FAM200B: variants seen among roughly 807,000 people sequenced by gnomAD.
FAM200B encodes zinc finger BED-type containing 11.
FAM200B carries 32 observed loss-of-function variants against 33.1 expected under a neutral mutation model. The observed-to-expected ratio is 0.97, with a 90% CI of 0.73 to 1.30. FAM200B has a LOEUF of 1.30. Ranked by LOEUF, FAM200B falls within the 50% of genes most tolerant of loss-of-function variation. The pLI, the probability that FAM200B is intolerant of heterozygous loss-of-function variation, is 0.00. For synonymous variants in FAM200B, 240 were observed against 264.8 expected, an observed-to-expected ratio of 0.91 and a Z score of 0.91; for missense variants, 741 against 754.0, an observed-to-expected ratio of 0.98 and a Z score of 0.20.
the FAM200B span, among the ~76,000 whole-genome samples, chr4:15,673,854 G>A: frequency 2.6e-5 from 4 of 152,134 alleles, no homozygotes; most frequent in African/African-American, 9.7e-5. Context: ...CCCTCTCCCT[G>A]TACTATGGCT....
the FAM200B span, among the ~76,000 whole-genome samples, chr4:15,675,437 G>A: frequency 6.6e-6 from 1 of 152,090 alleles, no homozygotes; most frequent in East Asian, 1.9e-4. Context: ...CAGCCTTCAG[G>A]CTTAGATCCT....
chr4:15,660,544 T>C, the FAM200B span, among the ~76,000 whole-genome samples: 2 of 152,326 alleles, frequency 1.3e-5, no homozygotes, highest in Non-Finnish European at 2.9e-5. Context: ...ACACGAAACA[T>C]TGATTTGAAT....
chr4:15,676,698 G>A (rs1560254989), upstream of FAM200B, among the ~76,000 whole-genome samples: 1 of 151,958 alleles, frequency 6.6e-6, no homozygotes, highest in Non-Finnish European at 1.5e-5. Flanking sequence ...ATTACGGGGG[G>A]GAGGGGGAGG....
At chr4:15,667,988 C>T in the FAM200B span, among the ~76,000 whole-genome samples, 13,932 of 150,980 alleles carry the variant, frequency 0.092, 787 homozygotes, top group Non-Finnish European at 0.13. Flanking sequence ...TTGCGGTGAG[C>T]CAAGATTGCG....
Position 15,688,520 on chromosome 4 carries a change from C to T in FAM200B, c.1543C>T (p.Leu515=). 2 of 1,547,104 alleles carry T rather than the reference C, an allele frequency of 1.3e-6. No individual in the cohort carries two copies. The highest frequency in any genetic ancestry group is 1.7e-6 in the Non-Finnish European group (2 of 1,143,418). ...KLEILLHLTS[L]SQTFNHFFPE... ...AGAGATATTGTTGCATCTCACTTCTCTGTCTCAAACTTTTAACCATTTCTT... is the reference window on the plus strand; with the variant it reads ...AGAGATATTGTTGCATCTCACTTCTTTGTCTCAAACTTTTAACCATTTCTT... Residue 515 remains leucine, a synonymous_variant, in exon 2 of 2, where the codon CTG becomes TTG. Transcript: ENST00000422728.
chr4:15,640,357 T>C, the FAM200B span, among the ~76,000 whole-genome samples: 1 of 136,894 alleles, frequency 7.3e-6, no homozygotes, highest in East Asian at 2.2e-4. Context: ...GACTAATACA[T>C]TTAAAGCCAC....
chr4:15,640,871 G>T, the FAM200B span: 1 of 1,485,724 alleles, frequency 6.7e-7, no homozygotes, highest in Non-Finnish European at 9.0e-7. Flanking sequence ...TAATTTAACT[G>T]TTCATATTCA....
chr4:15,689,153 T>G lies in FAM200B; in HGVS notation c.*202T>G. The G allele has an allele frequency of 2.4e-6, 1 of 417,974 alleles. No individual in the cohort carries two copies. Among genetic ancestry groups the G allele is most frequent in the Non-Finnish European group, 4.2e-6 (1 of 236,038 alleles). 25.9% of individuals were successfully genotyped at this position (417,974 alleles called of 1,614,324 possible). On this transcript the variant is annotated 3_prime_UTR_variant, in exon 2 of 2. Coordinates refer to ENST00000422728, the MANE Select transcript of FAM200B (RefSeq NM_001145191.2). ...GGCCAGGAACTATTCTAGAGACATT[T>G]GGGATACAAAAGTGAACAAAACAGG...
the FAM200B span, among the ~76,000 whole-genome samples, chr4:15,673,440 C>CA: frequency 2.0e-5 from 3 of 151,112 alleles, no homozygotes; most frequent in African/African-American, 4.9e-5. Context: ...GACCTCATCT[C>CA]AAAAAAAATA....
the FAM200B span, chr4:15,640,692 T>C: frequency 1.2e-5 from 7 of 587,624 alleles, no homozygotes; most frequent in Non-Finnish European, 1.8e-5. Context: ...ATCAACCAGA[T>C]ACATCTTCCT....
At chr4:15,643,017 T>C in the FAM200B span, among the ~76,000 whole-genome samples, 1 of 152,196 alleles carries the variant, frequency 6.6e-6, no homozygotes, top group Non-Finnish European at 1.5e-5. Flanking sequence ...TTTCTACTAG[T>C]CATGACTTTA....
chr4:15,669,185 G>T, the FAM200B span, among the ~76,000 whole-genome samples: 1 of 152,084 alleles, frequency 6.6e-6, no homozygotes, highest in South Asian at 2.1e-4. Context: ...AAACATCTGA[G>T]CATACTTACA....
chr4:15,685,837 T>C (rs754624616), intron 1 of FAM200B, among the ~76,000 whole-genome samples: 2 of 152,210 alleles, frequency 1.3e-5, no homozygotes, highest in African/African-American at 2.4e-5. Context: ...ACTACTGTTA[T>C]GGTCATAAGA....
At chr4:15,665,243 C>G in the FAM200B span, among the ~76,000 whole-genome samples, 1 of 151,972 alleles carries the variant, frequency 6.6e-6, no homozygotes, top group East Asian at 1.9e-4. Flanking sequence ...GTTGTTTCAA[C>G]TCATGTGTTT....
chr4:15,687,923 G>A lies in FAM200B; in HGVS notation c.946G>A (p.Val316Ile), dbSNP rs1719037740. The change falls in exon 2 of 2, where the codon GTT becomes ATT. Residue 316 changes from valine (V) to isoleucine (I), a missense_variant. Coordinates refer to ENST00000422728, the MANE Select transcript of FAM200B (RefSeq NM_001145191.2). ...CAGAGTAATTAAAAAATTACTAGAA[G>A]TTACTAATAATGGTGCTGTGTGGAA... ...HSRVIKKLLE[V>I]TNNGAVWNHC... The A allele has an allele frequency of 6.4e-7, 1 of 1,550,476 alleles. No individual in the cohort carries two copies. Among genetic ancestry groups the A allele is most frequent in the Non-Finnish European group, 8.7e-7 (1 of 1,146,074 alleles).
At chr4:15,685,116 C>G (rs1718710981) in intron 1 of FAM200B, among the ~76,000 whole-genome samples, 1 of 152,180 alleles carries the variant, frequency 6.6e-6, no homozygotes. Context: ...AACTATACAA[C>G]TTTGTAACTA....
the FAM200B span, among the ~76,000 whole-genome samples, chr4:15,673,523 T>C: frequency 3.9e-5 from 6 of 152,184 alleles, no homozygotes; most frequent in African/African-American, 1.2e-4. Context: ...GACATCATCA[T>C]TGAGATCTAT....
the FAM200B span, among the ~76,000 whole-genome samples, chr4:15,668,823 TCA>T: frequency 6.6e-6 from 1 of 152,214 alleles, no homozygotes; most frequent in African/African-American, 2.4e-5. Context: ...AGAAAACAAC[TCA>T]CATATTTTCT....
the FAM200B span, among the ~76,000 whole-genome samples, chr4:15,650,147 G>A: frequency 6.6e-6 from 1 of 152,160 alleles, no homozygotes; most frequent in Admixed American, 6.5e-5. Context: ...CTGACACCTA[G>A]TGGATAAAAC....
Sources: allele counts gnomAD v4.1 joint callset (sites outside exome capture counted in the v4.1 genomes callset), GRCh38; gene constraint gnomAD v4.1.1; transcripts MANE v1.5; gene names NCBI Gene and HGNC (gene_info 2026-07-23, HGNC 2026-07-21).